STXBP5L: variants seen among roughly 807,000 people sequenced by gnomAD.
STXBP5L encodes the protein syntaxin-binding protein 5-like.
Under a neutral mutation model 144.5 loss-of-function variants are expected in STXBP5L, and 65 were observed. The ratio of observed to expected loss-of-function variants is 0.45; its 90% confidence interval spans 0.37 to 0.55. STXBP5L has a LOEUF of 0.55. STXBP5L is among the 20% of genes least tolerant of loss of function. The pLI, the probability that STXBP5L is intolerant of heterozygous loss-of-function variation, is 0.00. For missense variants in STXBP5L, 1,298 were observed against 1,405.5 expected (o/e 0.92, Z 1.22); for synonymous variants, 505 against 469.6 (o/e 1.08, Z -0.97).
At chr3:121,192,469 T>A (rs2047736125) in intron 9 of STXBP5L, among the ~76,000 whole-genome samples, 1 of 152,180 alleles carries the variant, frequency 6.6e-6, no homozygotes, top group African/African-American at 2.4e-5. Flanking sequence ...TGGAAAACAC[T>A]ACTTTAAAGT....
At chr3:121,188,499 C>CAAAA (rs34216668) in intron 9 of STXBP5L, among the ~76,000 whole-genome samples, 22 of 147,050 alleles carry the variant, frequency 1.5e-4, no homozygotes, top group East Asian at 4.0e-4. Flanking sequence ...AGAGACACAG[C>CAAAA]AAAAAAAAAA....
At chr3:121,403,037 G>C in intron 22 of STXBP5L, among the ~76,000 whole-genome samples, 1 of 152,022 alleles carries the variant, frequency 6.6e-6, no homozygotes, top group East Asian at 1.9e-4. Context: ...TCCAAAACTT[G>C]CTTTTCTGTC....
intron 20 of STXBP5L, among the ~76,000 whole-genome samples, chr3:121,351,060 C>CTTCTCTG (rs1553774299): frequency 2.0e-5 from 3 of 151,804 alleles, no homozygotes; most frequent in African/African-American, 7.3e-5. Context: ...TCCAGTTTTT[C>CTTCTCTG]TGCTCTGTTT....
intron 20 of STXBP5L, among the ~76,000 whole-genome samples, chr3:121,369,047 A>AG (rs911128557): frequency 1.3e-5 from 2 of 152,100 alleles, no homozygotes; most frequent in African/African-American, 2.4e-5. Context: ...TTAAGGATAG[A>AG]GGGGGGTTTT....
chr3:121,115,123 G>A, intron 6 of STXBP5L, 64 bp downstream of exon 6: 1 of 1,467,042 alleles, frequency 6.8e-7, no homozygotes, highest in South Asian at 1.4e-5. Context: ...GTAACATGTA[G>A]GTCAAATTAC....
chr3:121,277,213 T>C (rs987874878), intron 18 of STXBP5L, among the ~76,000 whole-genome samples: 2 of 152,040 alleles, frequency 1.3e-5, no homozygotes, highest in Non-Finnish European at 2.9e-5. Flanking sequence ...TCTAAATTCA[T>C]CGTCACATAA....
intron 3 of STXBP5L, among the ~76,000 whole-genome samples, chr3:120,969,251 T>G (rs1190657201): frequency 6.6e-6 from 1 of 152,074 alleles, no homozygotes; most frequent in Non-Finnish European, 1.5e-5. Flanking sequence ...AGGAGTAAGG[T>G]GTAATCTCAT....
At chr3:120,969,947 T>C (rs934916978) in intron 3 of STXBP5L, among the ~76,000 whole-genome samples, 2 of 152,096 alleles carry the variant, frequency 1.3e-5, no homozygotes, top group African/African-American at 4.8e-5. Context: ...TACTTATTTT[T>C]AGTCTATTAC....
chr3:121,046,266 A>G (rs1419566105), intron 5 of STXBP5L, among the ~76,000 whole-genome samples: 1 of 152,124 alleles, frequency 6.6e-6, no homozygotes, highest in African/African-American at 2.4e-5. Context: ...TCAGTTTGCT[A>G]GTATTTTGTT....
At chr3:120,969,203 A>C in intron 3 of STXBP5L, among the ~76,000 whole-genome samples, 1 of 145,836 alleles carries the variant, frequency 6.9e-6, no homozygotes, top group Admixed American at 6.9e-5. Flanking sequence ...GCCAACATCT[A>C]TTTTTTTTTT....
chr3:121,413,452 A>G (rs1053593300), intron 24 of STXBP5L, 129 bp downstream of exon 24: 21 of 792,142 alleles, frequency 2.7e-5, no homozygotes, highest in Non-Finnish European at 3.8e-5. Context: ...TTTTGAATAT[A>G]TATTCTTCAT....
intron 2 of STXBP5L, among the ~76,000 whole-genome samples, chr3:120,924,831 TC>T (rs11318577): frequency 0.52 from 78,192 of 151,776 alleles, 20,601 homozygotes; most frequent in Admixed American, 0.6. Flanking sequence ...TGTCTCAGCC[TC>T]CCCGAGTAGC....
At chr3:120,910,661 A>C (rs1359377815) in intron 2 of STXBP5L, among the ~76,000 whole-genome samples, 3 of 152,162 alleles carry the variant, frequency 2.0e-5, no homozygotes, top group Non-Finnish European at 4.4e-5. Flanking sequence ...AGAAATTAAC[A>C]ATTTTTAAAA....
intron 2 of STXBP5L, 58 bp downstream of exon 2, chr3:120,909,825 C>A: frequency 1.3e-6 from 2 of 1,492,258 alleles, no homozygotes; most frequent in Non-Finnish European, 1.8e-6. Flanking sequence ...TGTAAGGAAA[C>A]AAGGGGGGAA....
At chr3:121,196,727 A>G (rs2047933997) in intron 9 of STXBP5L, among the ~76,000 whole-genome samples, 1 of 152,210 alleles carries the variant, frequency 6.6e-6, no homozygotes, top group South Asian at 2.1e-4. Context: ...CAGTGGCATG[A>G]TCATGGATCA....
Position 120,929,702 on chromosome 3 carries a change from C to T in STXBP5L, c.189+19935C>T, listed in dbSNP as rs368218980. ...TTTATATATCTTGTTGAATTACTTT[C>T]TAAAAGGGTTCACCTAGTAGTATAT... On this transcript the variant is annotated intron_variant, in intron 2 of 26. Transcript: ENST00000471454. Among the ~76,000 whole-genome samples, 12 of 152,174 alleles carry T rather than the reference C, an allele frequency of 7.9e-5. No homozygotes were observed. The East Asian group carries it at 1.2e-3, about 15-fold the overall frequency.
At chr3:121,176,301 C>T (rs1349192325) in intron 9 of STXBP5L, among the ~76,000 whole-genome samples, 1 of 151,448 alleles carries the variant, frequency 6.6e-6, no homozygotes, top group Non-Finnish European at 1.5e-5. Context: ...TAGAAAAGAT[C>T]TAAAATCAGT....
At chr3:121,015,991 C>A (rs957771319) in intron 3 of STXBP5L, among the ~76,000 whole-genome samples, 2 of 152,172 alleles carry the variant, frequency 1.3e-5, no homozygotes, top group Non-Finnish European at 2.9e-5. Flanking sequence ...ATAACAAGTG[C>A]AGACTCTGTC....
chr3:121,323,859 C>T (rs566486042), intron 20 of STXBP5L, among the ~76,000 whole-genome samples: 37 of 152,238 alleles, frequency 2.4e-4, no homozygotes, highest in African/African-American at 8.9e-4. Context: ...ACTACAACCT[C>T]TTAAAGAGAA....
Sources: allele counts gnomAD v4.1 joint callset (sites outside exome capture counted in the v4.1 genomes callset), GRCh38; gene constraint gnomAD v4.1.1; transcripts MANE v1.5; gene names NCBI Gene and HGNC (gene_info 2026-07-23, HGNC 2026-07-21).